IL7R: variants seen among roughly 807,000 people sequenced by gnomAD.
IL7R encodes interleukin-7 receptor subunit alpha.
In IL7R, 38 loss-of-function variants were observed where a neutral mutation model predicts 47.0. That is an observed-to-expected ratio of 0.81 (90% confidence interval 0.62 to 1.06). IL7R has a LOEUF of 1.06. Ranked by LOEUF, IL7R falls within the 50% of genes least tolerant of loss-of-function variation. IL7R has a pLI of 0.00. For missense variants in IL7R, 633 were observed against 534.8 expected (o/e 1.18, Z -1.81); for synonymous variants, 221 against 199.8 (o/e 1.11, Z -0.89).
At chr5:35,868,979 T>C (rs1053772102) in intron 3 of IL7R, among the ~76,000 whole-genome samples, 1 of 152,166 alleles carries the variant, frequency 6.6e-6, no homozygotes, top group Non-Finnish European at 1.5e-5. Context: ...CACACACTGC[T>C]GATGGCATAG....
At chr5:35,868,171 A>C (rs1759984826) in intron 3 of IL7R, among the ~76,000 whole-genome samples, 1 of 152,202 alleles carries the variant, frequency 6.6e-6, no homozygotes, top group Admixed American at 6.5e-5. Context: ...TTTGCTCTAG[A>C]GGCCTTCTAC....
At chr5:35,864,691 T>G (rs1157066188) in intron 2 of IL7R, among the ~76,000 whole-genome samples, 1 of 152,202 alleles carries the variant, frequency 6.6e-6, no homozygotes, top group Non-Finnish European at 1.5e-5. Context: ...ATATGAGTTC[T>G]TTATACATTC....
intron 2 of IL7R, among the ~76,000 whole-genome samples, chr5:35,861,213 T>C (rs1759802911): frequency 6.6e-6 from 1 of 152,156 alleles, no homozygotes; most frequent in Admixed American, 6.6e-5. Flanking sequence ...AGTCAAATGA[T>C]GCTCTGGATC....
intron 4 of IL7R, among the ~76,000 whole-genome samples, chr5:35,871,873 T>C (rs1307555069): frequency 6.6e-6 from 1 of 152,116 alleles, no homozygotes; most frequent in Admixed American, 6.5e-5. Context: ...CTAACTTCTG[T>C]TCTTTCTGCA....
At chr5:35,873,766 A>G (rs11567776) in intron 5 of IL7R, 118 bp downstream of exon 5, 1 of 908,340 alleles carries the variant, frequency 1.1e-6, no homozygotes. Flanking sequence ...CTTGGAGGGC[A>G]CTCTTACACT....
chr5:35,865,444 G>C (rs1759917117), intron 2 of IL7R, among the ~76,000 whole-genome samples: 1 of 152,122 alleles, frequency 6.6e-6, no homozygotes, highest in South Asian at 2.1e-4. Flanking sequence ...CTTTATAGCA[G>C]CATGATTTAT....
At position 35,877,265 on chromosome 5, in the gene IL7R, A is replaced by G. The variant is rs374347576; in HGVS notation, c.*779A>G. 3.0e-5 allele frequency: 7 copies of G among 233,234 alleles called. No individual in the cohort carries two copies. Among genetic ancestry groups the G allele is most frequent in the East Asian group, 2.4e-4 (4 of 16,584 alleles). 14.4% of individuals were successfully genotyped at this position (233,234 alleles called of 1,614,324 possible). A position where few individuals can be genotyped will look rare whatever the true frequency, so the allele number is the denominator to read the frequency against. On this transcript the variant is annotated 3_prime_UTR_variant, in exon 8 of 8. Transcript: ENST00000303115. The stretch of plus-strand genomic sequence containing the variant: ...TAGGACTGTCCCCAGACAAATGTGA[A>G]CATACATATCATCACTTAAATTAAA...
At chr5:35,875,049 G>A (rs982640221) in intron 6 of IL7R, among the ~76,000 whole-genome samples, 1 of 152,154 alleles carries the variant, frequency 6.6e-6, no homozygotes, top group Non-Finnish European at 1.5e-5. Context: ...GTACTGCCTG[G>A]AAAGTACTAA....
At chr5:35,859,267 C>T (rs1185200742) in intron 1 of IL7R, among the ~76,000 whole-genome samples, 2 of 152,106 alleles carry the variant, frequency 1.3e-5, no homozygotes, top group Non-Finnish European at 2.9e-5. Flanking sequence ...GAAGACAAAG[C>T]CGACCCACAG....
chr5:35,856,905 C>G lies in IL7R; in HGVS notation c.-73C>G, dbSNP rs1031005338. The G allele has an allele frequency of 1.3e-5, 11 of 867,078 alleles. No homozygotes were observed. The East Asian group carries it at 2.6e-4, about 21-fold the overall frequency. 53.7% of individuals were successfully genotyped at this position (867,078 alleles called of 1,614,324 possible). ...AGCTTCTCTGTCTTCCTCCCTCCCT[C>G]CCTTCCTCTTACTCTCATTCATTTC... is the stretch of plus-strand genomic sequence containing the variant. On this transcript the variant is annotated 5_prime_UTR_variant, in exon 1 of 8. Coordinates refer to ENST00000303115, the MANE Select transcript of IL7R (RefSeq NM_002185.5).
intron 2 of IL7R, among the ~76,000 whole-genome samples, chr5:35,866,643 T>C (rs1054674295): frequency 6.6e-6 from 1 of 152,160 alleles, no homozygotes; most frequent in Non-Finnish European, 1.5e-5. Flanking sequence ...TTTGTGTTTA[T>C]AAAAACATTT....
Position 35,875,838 on chromosome 5 carries a change from A to T in IL7R, c.877-145A>T, listed in dbSNP as rs953934472. 18 of 953,210 alleles carry T rather than the reference A, an allele frequency of 1.9e-5. No homozygotes were observed. The Admixed American group carries it at 3.6e-4, about 19-fold the overall frequency. The allele number at this position is 953,210 out of a possible 1,614,324, so 59.0% of individuals were successfully genotyped here. ...AGTCTTGAAGTGTCTCAGAAGCTCC[A>T]GAAGCAAAGAGTCCATTGAGGAACA... On this transcript the variant is annotated intron_variant, in intron 7 of 7. Coordinates refer to ENST00000303115, the MANE Select transcript of IL7R (RefSeq NM_002185.5).
At position 35,857,062 on chromosome 5, in the gene IL7R, G is replaced by T; in HGVS notation, c.82+3G>T. On this transcript the variant is annotated splice_donor_region_variant and intron_variant, in intron 1 of 7. Coordinates refer to ENST00000303115, the MANE Select transcript of IL7R (RefSeq NM_002185.5). ...AGAAAGTGGCTATGCTCAAAATGGT[G>T]AGTCATTTCTAAGTTTTCTTATGGA... 6.4e-7 allele frequency: 1 copy of T among 1,573,442 alleles called. No individual in the cohort carries two copies. Among genetic ancestry groups the T allele is most frequent in the Middle Eastern group, 1.7e-4 (1 of 5,992 alleles).
At chr5:35,868,294 C>A (rs1759989812) in intron 3 of IL7R, among the ~76,000 whole-genome samples, 2 of 152,166 alleles carry the variant, frequency 1.3e-5, no homozygotes, top group African/African-American at 4.8e-5. Context: ...ATTCGCTCCC[C>A]CTTCAACCCT....
chr5:35,857,108 G>A (rs1239084860), intron 1 of IL7R, 49 bp downstream of exon 1: 2 of 1,165,146 alleles, frequency 1.7e-6, no homozygotes, highest in Non-Finnish European at 2.6e-6. Flanking sequence ...TCTGTAGCAT[G>A]GTTTCAGGTT....
chr5:35,876,063 A>G lies in IL7R; in HGVS notation c.957A>G (p.Glu319=), dbSNP rs201275186. ...TGGATGACATTCAAGCTAGAGATGA[A>G]GTGGAAGGTTTTCTGCAAGATACGT... ...HRVDDIQARD[E]VEGFLQDTFP... The change falls in exon 8 of 8, where the codon GAA becomes GAG. Residue 319 remains glutamate (E), a synonymous_variant. Coordinates refer to ENST00000303115, the MANE Select transcript of IL7R (RefSeq NM_002185.5). 3 of 1,614,176 alleles carry G rather than the reference A, an allele frequency of 1.9e-6. No individual in the cohort carries two copies. The highest frequency in any genetic ancestry group is 2.5e-6 in the Non-Finnish European group (3 of 1,180,030).
intron 4 of IL7R, among the ~76,000 whole-genome samples, chr5:35,872,644 T>G (rs1760098727): frequency 6.6e-6 from 1 of 152,138 alleles, no homozygotes; most frequent in Non-Finnish European, 1.5e-5. Context: ...TACATAATCT[T>G]GACATGAAGA....
chr5:35,866,327 T>C (rs1208518383), intron 2 of IL7R, among the ~76,000 whole-genome samples: 1 of 152,138 alleles, frequency 6.6e-6, no homozygotes, highest in Admixed American at 6.6e-5. Context: ...AAAGTTTGCT[T>C]ATACATTTTT....
In IL7R at chr5:35,873,646, C is replaced by CCAG; in HGVS notation, c.704_705insCAG (p.Ser235_Gly236insArg). The CCAG allele has an allele frequency of 6.2e-7, 1 of 1,613,656 alleles. No homozygotes were observed. Among genetic ancestry groups the CCAG allele is most frequent in the Non-Finnish European group, 8.5e-7 (1 of 1,179,594 alleles). ...AGAACTCCAGAGATCAATAATAGCT[C>CCAG]AGGTAAGGAATGGTGGTAGAGTTTT... On this transcript the variant is annotated inframe_insertion and splice_region_variant, in exon 5 of 8. Coordinates refer to ENST00000303115, the MANE Select transcript of IL7R (RefSeq NM_002185.5).
Sources: gnomAD v4.1 joint callset for allele counts (sites outside exome capture counted in the v4.1 genomes callset) on GRCh38, gnomAD v4.1.1 for gene constraint, MANE v1.5 for transcripts, NCBI Gene and HGNC (gene_info 2026-07-23, HGNC 2026-07-21) for gene names.